The following C4orf50 variants were observed in gnomAD, a reference collection of about 807,000 sequenced individuals.
C4orf50 encodes uncharacterized protein C4orf50.
A neutral mutation model predicts 77.2 loss-of-function variants in C4orf50; 80 were observed. The observed-to-expected ratio is 1.04, with a 90% CI of 0.87 to 1.25. The LOEUF is 1.25. C4orf50 is among the 50% of genes most tolerant of loss of function. The pLI, the probability that C4orf50 is intolerant of heterozygous loss-of-function variation, is 0.00. For synonymous variants in C4orf50, 532 were observed against 465.3 expected (o/e 1.14, Z -1.84); for missense variants, 1,257 against 1,152.9 (o/e 1.09, Z -1.31).
chr4:5,948,942 C>G (rs1015399964), intron 7 of C4orf50, among the ~76,000 whole-genome samples: 7 of 122,884 alleles, frequency 5.7e-5, no homozygotes, highest in Admixed American at 9.8e-5. Flanking sequence ...GCCTGGGCAA[C>G]AGAGTGAGAC....
In C4orf50 at chr4:6,007,660, G is replaced by C. The variant is rs118015088; in HGVS notation, c.963+336C>G. 1.8e-4 allele frequency among the ~76,000 whole-genome samples: 27 copies of C among 152,284 alleles called. No individual in the cohort carries two copies. In the East Asian group the frequency reaches 4.2e-3, roughly 24 times the overall value. On this transcript the variant is annotated intron_variant, in intron 25 of 33. Coordinates refer to ENST00000531445, the Ensembl canonical transcript of C4orf50. The surrounding 1 kb of genome is among the most constrained non-coding windows in gnomAD (Gnocchi z 4.1). The stretch of plus-strand genomic sequence containing the variant: ...TGCGTGGACAAACAGGTGTTAGGAT[G>C]AATGGCAAAATGATGGTGGGTAGGT...
intron 7 of C4orf50, among the ~76,000 whole-genome samples, chr4:5,913,621 T>C (rs1716903927): frequency 6.6e-6 from 1 of 152,228 alleles, no homozygotes; most frequent in Non-Finnish European, 1.5e-5. Context: ...TCCGGTCCAA[T>C]TGATGGATTC....
chr4:6,004,273 G>A (rs201355769), intron 25 of C4orf50, among the ~76,000 whole-genome samples: 2 of 77,012 alleles, frequency 2.6e-5, no homozygotes, highest in East Asian at 2.2e-3. Context: ...TGGTGGTGAT[G>A]GTGATGGTGA....
At chr4:5,967,256 G>A (rs1486089034) in intron 32 of C4orf50, among the ~76,000 whole-genome samples, 158 bp downstream of exon 10, 1 of 152,198 alleles carries the variant, frequency 6.6e-6, no homozygotes, top group Non-Finnish European at 1.5e-5. Flanking sequence ...GGAAGGCAAT[G>A]CCACATAGGA....
intron 7 of C4orf50, chr4:5,903,894 C>T (rs1013183637): frequency 6.6e-6 from 1 of 152,144 alleles, no homozygotes; most frequent in African/African-American, 2.4e-5. Flanking sequence ...AAATGTAAGC[C>T]AAACATGATA....
Position 5,963,286 on chromosome 4 carries a change from C to T in C4orf50, c.4275+1738G>A, listed in dbSNP as rs914611472. 5.3e-5 allele frequency among the ~76,000 whole-genome samples: 8 copies of T among 152,090 alleles called. No individual in the cohort carries two copies. In the East Asian group the frequency reaches 7.7e-4, roughly 15 times the overall value. ...CTGGGATTACAGGTGTGAGCCACTGCGCCCAGCCTGCCTAGAATATCTTCT... is the reference window on the plus strand; with the variant it reads ...CTGGGATTACAGGTGTGAGCCACTGTGCCCAGCCTGCCTAGAATATCTTCT... On this transcript the variant is annotated intron_variant, in intron 33 of 33. Coordinates refer to ENST00000531445, the Ensembl canonical transcript of C4orf50.
intron 7 of C4orf50, among the ~76,000 whole-genome samples, chr4:5,926,924 C>T (rs1425586375): frequency 1.3e-5 from 2 of 152,166 alleles, no homozygotes; most frequent in African/African-American, 4.8e-5. Flanking sequence ...GACTGCTTTC[C>T]GTGTGCCCAT....
intron 33 of C4orf50, among the ~76,000 whole-genome samples, chr4:5,961,562 CCA>C (rs1350223516): frequency 6.6e-6 from 1 of 152,084 alleles, no homozygotes; most frequent in Non-Finnish European, 1.5e-5. Flanking sequence ...CAACAGAAGC[CCA>C]GAGAGGTGAA....
intron 32 of C4orf50, among the ~76,000 whole-genome samples, chr4:5,966,890 C>A (rs1472550684): frequency 6.6e-6 from 1 of 152,094 alleles, no homozygotes; most frequent in Non-Finnish European, 1.5e-5. Context: ...CCTCGTGATC[C>A]GCCTGCCTCG....
intron 25 of C4orf50, among the ~76,000 whole-genome samples, chr4:6,001,184 G>A (rs932702446): frequency 1.3e-5 from 2 of 152,120 alleles, no homozygotes; most frequent in African/African-American, 2.4e-5. Context: ...ACAGAGTCTC[G>A]TTCTGCCAGG....
intron 24 of C4orf50, among the ~76,000 whole-genome samples, chr4:6,010,369 CAATTT>C (rs1352110855): frequency 6.6e-6 from 1 of 152,274 alleles, no homozygotes; most frequent in East Asian, 1.9e-4. Context: ...GGACTATTTT[CAATTT>C]AATTGGAATC....
intron 23 of C4orf50, among the ~76,000 whole-genome samples, chr4:6,014,578 C>A (rs1722610993): frequency 6.6e-6 from 1 of 152,204 alleles, no homozygotes; most frequent in African/African-American, 2.4e-5. Context: ...CTTTCCCCTG[C>A]CCCAGCTAGA....
intron 28 of C4orf50, among the ~76,000 whole-genome samples, chr4:5,984,700 A>G (rs1720768886): frequency 6.6e-6 from 1 of 152,170 alleles, no homozygotes; most frequent in Non-Finnish European, 1.5e-5. Context: ...CTGATACAGG[A>G]TTTTTGAAAG....
chr4:5,970,730 G>T lies in C4orf50; in HGVS notation c.4104+2929C>A, dbSNP rs1259504043. Reference sequence around the variant, plus strand: ...TGGTCACCGACTGCTGCTTGCATGGGCACCAGGCCACGCCACCTCCTCCTG... The same window carrying T: ...TGGTCACCGACTGCTGCTTGCATGGTCACCAGGCCACGCCACCTCCTCCTG... On this transcript the variant is annotated intron_variant, in intron 31 of 33. Transcript: ENST00000531445. This position sits in a 1 kb window ranked among gnomAD's most constrained non-coding sequence, Gnocchi z 4.3. Among the ~76,000 whole-genome samples, 4 of 152,228 alleles carry T rather than the reference G, an allele frequency of 2.6e-5. No individual in the cohort carries two copies. Among genetic ancestry groups the T allele is most frequent in the Non-Finnish European group, 5.9e-5 (4 of 68,048 alleles).
chr4:5,988,343 C>G lies in C4orf50; in HGVS notation c.3699+4G>C, dbSNP rs1720993158. On this transcript the variant is annotated splice_donor_region_variant and intron_variant, in intron 28 of 33. Coordinates refer to ENST00000531445, the Ensembl canonical transcript of C4orf50. Reference sequence around the variant, plus strand: ...GAGTAAGCAGATATGCAGACCCAACCTACCATGGGGCCATTGCTCAGGGAG... The same window carrying G: ...GAGTAAGCAGATATGCAGACCCAACGTACCATGGGGCCATTGCTCAGGGAG... 6.2e-7 allele frequency: 1 copy of G among 1,612,846 alleles called. No individual in the cohort carries two copies. The highest frequency in any genetic ancestry group is 2.2e-5 in the East Asian group (1 of 44,866).
chr4:5,989,388 CA>C lies in C4orf50; in HGVS notation c.2657del (p.Leu886ArgfsTer37). On this transcript the variant is annotated frameshift_variant, in exon 28 of 34. Transcript: ENST00000531445. LOFTEE classifies it high-confidence loss of function. ...GGTTACCAGGAACTTCGCTGGTGCC[CA>C]GGGCCGTGGTCTTTCCCGGCTTATC... 6.5e-7 allele frequency: 1 copy of C among 1,536,086 alleles called. No homozygotes were observed. Among genetic ancestry groups the C allele is most frequent in the South Asian group, 1.2e-5 (1 of 84,064 alleles).
chr4:5,944,902 C>G (rs991826134), intron 7 of C4orf50, among the ~76,000 whole-genome samples: 2 of 152,172 alleles, frequency 1.3e-5, no homozygotes, highest in African/African-American at 2.4e-5. Flanking sequence ...GATGAGCCAG[C>G]CTGCTGCCTG....
intron 7 of C4orf50, among the ~76,000 whole-genome samples, chr4:5,910,131 T>C (rs550842835): frequency 6.6e-6 from 1 of 152,282 alleles, no homozygotes; most frequent in South Asian, 2.1e-4. Flanking sequence ...GGAGCTGAGA[T>C]TTTATACAAG....
chr4:5,980,801 A>G (rs116784899), intron 28 of C4orf50, among the ~76,000 whole-genome samples: 1,745 of 152,358 alleles, frequency 0.011, 29 homozygotes, highest in African/African-American at 0.04. Flanking sequence ...TGAGATGCCT[A>G]TTATGCTAAA....
Sources: allele counts gnomAD v4.1 joint callset (sites outside exome capture counted in the v4.1 genomes callset), GRCh38; gene constraint gnomAD v4.1.1; non-coding constraint Gnocchi (gnomAD v3.1); transcripts MANE v1.5; gene names NCBI Gene and HGNC (gene_info 2026-07-23, HGNC 2026-07-21).